Variants in CTPS1 observed in about 807,000 individuals in gnomAD.
CTPS1 encodes CTP synthetase 1.
A neutral mutation model predicts 80.5 loss-of-function variants in CTPS1; 25 were observed. That is an observed-to-expected ratio of 0.31 (90% CI 0.23 to 0.43). CTPS1 has a LOEUF of 0.43. Ranked by LOEUF, CTPS1 falls within the 20% of genes least tolerant of loss-of-function variation. CTPS1 has a pLI of 1.00. For synonymous variants in CTPS1, 267 were observed against 252.5 expected (o/e 1.06, Z -0.54); for missense variants, 442 against 725.7 (o/e 0.61, Z 4.49).
intron 8 of CTPS1, among the ~76,000 whole-genome samples, chr1:40,996,283 G>A (rs911743683): frequency 2.0e-5 from 3 of 152,176 alleles, no homozygotes; most frequent in Admixed American, 1.3e-4. Context: ...GCCAGGTGCC[G>A]GGCCTCCAGA....
chr1:40,979,882 A>G (rs1257928254), intron 1 of CTPS1, 53 bp downstream of exon 1: 4 of 152,142 alleles, frequency 2.6e-5, no homozygotes, highest in African/African-American at 9.7e-5. Context: ...CGCAGGAGTC[A>G]GCGGCGCGAG....
chr1:40,987,042 C>T (rs1266229955), intron 3 of CTPS1, among the ~76,000 whole-genome samples: 1 of 152,172 alleles, frequency 6.6e-6, no homozygotes, highest in Non-Finnish European at 1.5e-5. Context: ...TGCCTACCTT[C>T]AGCTGTGAGC....
At chr1:40,996,522 A>G (rs1642756128) in intron 8 of CTPS1, among the ~76,000 whole-genome samples, 1 of 151,830 alleles carries the variant, frequency 6.6e-6, no homozygotes, top group African/African-American at 2.4e-5. Flanking sequence ...GTTGCTGCCT[A>G]CTCCACTACA....
chr1:41,009,560 C>T lies in CTPS1; in HGVS notation c.1662C>T (p.Tyr554=), dbSNP rs895744060. Residue 554 remains tyrosine (Y), a synonymous_variant, in exon 17 of 19, where the codon TAC becomes TAT. Coordinates refer to ENST00000650070, the MANE Select transcript of CTPS1 (RefSeq NM_001905.4). Reference sequence around the variant, plus strand: ...CCTCTGTGGGGCGGCTCTCACATTACCTCCAGAAAGGCTGCAGGCTCTCAC... The same window carrying T: ...CCTCTGTGGGGCGGCTCTCACATTATCTCCAGAAAGGCTGCAGGCTCTCAC... ...LLASVGRLSH[Y]LQKGCRLSPR... The T allele has an allele frequency of 6.2e-7, 1 of 1,614,172 alleles. No homozygotes were observed. The highest frequency in any genetic ancestry group is 1.3e-5 in the African/African-American group (1 of 75,040).
At chr1:41,002,402 C>G (rs1642924938) in intron 11 of CTPS1, 148 bp downstream of exon 11, 1 of 652,408 alleles carries the variant, frequency 1.5e-6, no homozygotes, top group African/African-American at 1.8e-5. Context: ...CATGTTTTCT[C>G]TTTAGAGACA....
At chr1:40,994,126 C>A (rs567200017) in intron 7 of CTPS1, among the ~76,000 whole-genome samples, 1 of 152,024 alleles carries the variant, frequency 6.6e-6, no homozygotes, top group South Asian at 2.1e-4. Context: ...TTTTAAATTT[C>A]GATGAAGTCC....
At position 41,007,454 on chromosome 1, in the gene CTPS1, A is replaced by G. The variant is rs751676863; in HGVS notation, c.1302A>G (p.Val434=). ...FDPTTSHPVV[V]DMPEHNPGQM... ...TGTTTTCTGAACATCTCCAGGTCGT[A>G]GACATGCCAGAACACAACCCAGGGC... Residue 434 remains valine, a synonymous_variant, in exon 14 of 19, where the codon GTA becomes GTG. Transcript: ENST00000650070. This position sits in a 1 kb window ranked among gnomAD's most constrained non-coding sequence, Gnocchi z 4.4. 4 of 1,613,882 alleles carry G rather than the reference A, an allele frequency of 2.5e-6. No individual in the cohort carries two copies. The East Asian group carries it at 8.9e-5, about 36-fold the overall frequency.
chr1:41,001,438 TA>T (rs1250923694), intron 10 of CTPS1: 2 of 276,818 alleles, frequency 7.2e-6, no homozygotes, highest in Non-Finnish European at 1.4e-5. Flanking sequence ...CTGTTATTTA[TA>T]ATAGTAAAAC....
intron 6 of CTPS1, 151 bp downstream of exon 6, chr1:40,991,399 T>C: frequency 1.6e-6 from 1 of 632,986 alleles, no homozygotes; most frequent in Non-Finnish European, 2.7e-6. Flanking sequence ...GGGCTGTAGT[T>C]TGCAAGATGT....
At chr1:40,997,124 T>G in intron 8 of CTPS1, 1 of 347,760 alleles carries the variant, frequency 2.9e-6, no homozygotes, top group Non-Finnish European at 5.2e-6. Context: ...CCAGGTGTGT[T>G]TTTGTTGTTT....
chr1:41,000,961 T>C (rs1053356069), intron 9 of CTPS1, 68 bp from the exon 10 acceptor site: 1 of 1,004,114 alleles, frequency 1.0e-6, no homozygotes, highest in Admixed American at 2.8e-5. Context: ...ATAATATTAT[T>C]TAAAAATTAA....
At chr1:41,011,130 TC>T (rs1295735843) in intron 18 of CTPS1, among the ~76,000 whole-genome samples, 5 of 152,188 alleles carry the variant, frequency 3.3e-5, no homozygotes, top group Non-Finnish European at 4.4e-5. Flanking sequence ...CCCAGCTGTT[TC>T]CCCTCCTGCC....
At chr1:40,999,514 A>T (rs1642849110) in intron 9 of CTPS1, among the ~76,000 whole-genome samples, 2 of 152,242 alleles carry the variant, frequency 1.3e-5, no homozygotes, top group Non-Finnish European at 2.9e-5. Flanking sequence ...ATCAGTGCAG[A>T]TGAAGTCACA....
At chr1:40,987,543 C>T in intron 4 of CTPS1, 71 bp downstream of exon 4, 1 of 1,116,144 alleles carries the variant, frequency 9.0e-7, no homozygotes, top group South Asian at 1.3e-5. Flanking sequence ...ACTGATAAGA[C>T]AGTTCCCAGT....
chr1:40,988,437 T>C (rs1558137813), intron 4 of CTPS1, 157 bp from the exon 5 acceptor site: 5 of 626,524 alleles, frequency 8.0e-6, no homozygotes, highest in Non-Finnish European at 1.4e-5. Flanking sequence ...AAGAGTTGTC[T>C]AATTCCTGTT....
intron 11 of CTPS1, 103 bp downstream of exon 11, chr1:41,002,357 CTG>C (rs1420251114): frequency 1.1e-6 from 1 of 919,910 alleles, no homozygotes; most frequent in Non-Finnish European, 1.8e-6. Flanking sequence ...CTGAAACATG[CTG>C]TCTTTGTGGA....
chr1:41,006,005 A>T, intron 12 of CTPS1, 46 bp from the exon 13 acceptor site: 1 of 1,462,264 alleles, frequency 6.8e-7, no homozygotes, highest in Non-Finnish European at 9.6e-7. Flanking sequence ...ACTATTAATC[A>T]CTTTCGTTTG....
intron 8 of CTPS1, among the ~76,000 whole-genome samples, chr1:40,996,306 G>A (rs1428729572): frequency 1.3e-5 from 2 of 152,186 alleles, no homozygotes; most frequent in African/African-American, 4.8e-5. Context: ...ATGAGTTCGG[G>A]TTATGTCTTA....
chr1:41,002,378 C>T (rs1642924201), intron 11 of CTPS1, 124 bp downstream of exon 11: 2 of 740,990 alleles, frequency 2.7e-6, no homozygotes, highest in Middle Eastern at 7.6e-4. Context: ...GATAGGAGCT[C>T]AAGTAGAAGC....
Sources: gnomAD v4.1 joint callset for allele counts (sites outside exome capture counted in the v4.1 genomes callset) on GRCh38, gnomAD v4.1.1 for gene constraint, Gnocchi (gnomAD v3.1) non-coding constraint, MANE v1.5 for transcripts, NCBI Gene and HGNC (gene_info 2026-07-23, HGNC 2026-07-21) for gene names.